The following C8orf34 variants were observed in gnomAD, a reference collection of about 807,000 sequenced individuals.
C8orf34 encodes the protein uncharacterized protein C8orf34.
Under a neutral mutation model 68.3 loss-of-function variants are expected in C8orf34, and 65 were observed. The observed-to-expected ratio is 0.95, with a 90% CI of 0.78 to 1.17. The LOEUF is 1.17. Among genes scored for constraint, C8orf34 ranks in the 50% most tolerant of loss-of-function variants. C8orf34 has a pLI of 0.00. For synonymous variants in C8orf34, 244 were observed against 241.2 expected, an observed-to-expected ratio of 1.01 and a Z score of -0.11; for missense variants, 664 against 655.4, an observed-to-expected ratio of 1.01 and a Z score of -0.14.
chr8:68,616,272 T>A (rs1818210209), intron 7 of C8orf34, among the ~76,000 whole-genome samples: 1 of 152,204 alleles, frequency 6.6e-6, no homozygotes, highest in East Asian at 1.9e-4. Flanking sequence ...TTGAAGAGTT[T>A]TCTGTTTCTC....
At chr8:68,653,432 A>T (rs1179642008) in intron 8 of C8orf34, among the ~76,000 whole-genome samples, 1 of 152,218 alleles carries the variant, frequency 6.6e-6, no homozygotes, top group Non-Finnish European at 1.5e-5. Flanking sequence ...GCTAATTTAC[A>T]TTCTAAAATC....
At chr8:68,721,286 C>A in intron 9 of C8orf34, 75 bp from the exon 10 acceptor site, 1 of 945,200 alleles carries the variant, frequency 1.1e-6, no homozygotes, top group Non-Finnish European at 1.6e-6. Context: ...ATTCTTCTCA[C>A]AACAGGTTTA....
chr8:68,455,487 G>GC (rs1811507800), intron 3 of C8orf34, among the ~76,000 whole-genome samples: 1 of 151,722 alleles, frequency 6.6e-6, no homozygotes, highest in Admixed American at 6.6e-5. Flanking sequence ...ACTATATAAT[G>GC]CCCTTCTTTG....
At chr8:68,715,468 G>A (rs1329094198) in intron 9 of C8orf34, among the ~76,000 whole-genome samples, 3 of 152,130 alleles carry the variant, frequency 2.0e-5, no homozygotes, top group South Asian at 2.1e-4. Flanking sequence ...CTAAGGACAC[G>A]AATAGACATT....
chr8:68,645,717 A>T (rs570159129), intron 8 of C8orf34, among the ~76,000 whole-genome samples: 1 of 152,248 alleles, frequency 6.6e-6, no homozygotes, highest in South Asian at 2.1e-4. Flanking sequence ...AATCAATAAG[A>T]CTCAAGTGAT....
intron 10 of C8orf34, among the ~76,000 whole-genome samples, chr8:68,761,887 A>AT (rs1823034876): frequency 6.6e-6 from 1 of 152,062 alleles, no homozygotes; most frequent in Non-Finnish European, 1.5e-5. Flanking sequence ...TGTCTATGTG[A>AT]TTTAAAAAAA....
intron 3 of C8orf34, among the ~76,000 whole-genome samples, chr8:68,460,901 G>A (rs1364599025): frequency 6.6e-6 from 1 of 152,204 alleles, no homozygotes; most frequent in South Asian, 2.1e-4. Flanking sequence ...CTCCTCCAAA[G>A]GAACGCAGTT....
At chr8:68,813,236 G>T (rs147646165) in intron 12 of C8orf34, among the ~76,000 whole-genome samples, 1 of 152,122 alleles carries the variant, frequency 6.6e-6, no homozygotes, top group Admixed American at 6.5e-5. Context: ...GAAATAATGG[G>T]CTATCCCTAG....
At chr8:68,333,308 C>A (rs552893812) in intron 1 of C8orf34, among the ~76,000 whole-genome samples, 128 of 152,258 alleles carry the variant, frequency 8.4e-4, no homozygotes, top group African/African-American at 2.9e-3. Context: ...CACCAAAAAA[C>A]AAGCACCACC....
chr8:68,743,741 G>A lies in C8orf34; in HGVS notation c.1404+22304G>A, dbSNP rs187343881. ...CTGGCTCGGAGGGTCCTACGCCCAC[G>A]GAGTCTCGCTGATTGCTAGCACAGC... On this transcript the variant is annotated intron_variant, in intron 10 of 13. Coordinates refer to ENST00000518698, the MANE Select transcript of C8orf34 (RefSeq NM_052958.4). Among the ~76,000 whole-genome samples the A allele has an allele frequency of 3.2e-3, 487 of 152,324 alleles. 2 individuals are homozygous for A. Among genetic ancestry groups the A allele is most frequent in the African/African-American group, 9.7e-3 (405 of 41,576 alleles).
intron 7 of C8orf34, among the ~76,000 whole-genome samples, chr8:68,612,292 T>C (rs1818046627): frequency 6.6e-6 from 1 of 152,122 alleles, no homozygotes; most frequent in Non-Finnish European, 1.5e-5. Context: ...AGTTAGCCAG[T>C]TCTTTTCCAC....
At chr8:68,341,899 C>T (rs1170362722) in intron 1 of C8orf34, among the ~76,000 whole-genome samples, 1 of 152,114 alleles carries the variant, frequency 6.6e-6, no homozygotes, top group Non-Finnish European at 1.5e-5. Context: ...TGGCCTAACA[C>T]ATCAGGGGTT....
At chr8:68,507,977 A>G (rs1295622599) in intron 5 of C8orf34, among the ~76,000 whole-genome samples, 1 of 152,208 alleles carries the variant, frequency 6.6e-6, no homozygotes, top group Non-Finnish European at 1.5e-5. Context: ...AAAGGGTCTT[A>G]TAGTTACATC....
chr8:68,651,526 G>A (rs1819356944), intron 8 of C8orf34, among the ~76,000 whole-genome samples: 1 of 152,176 alleles, frequency 6.6e-6, no homozygotes, highest in African/African-American at 2.4e-5. Flanking sequence ...CAGAGAATAA[G>A]CATCCTACAA....
At chr8:68,548,279 A>G (rs1815952936) in intron 7 of C8orf34, among the ~76,000 whole-genome samples, 1 of 151,554 alleles carries the variant, frequency 6.6e-6, no homozygotes, top group Admixed American at 6.6e-5. Context: ...AATATATACA[A>G]CATATTAAAA....
At chr8:68,650,867 G>C (rs1018442288) in intron 8 of C8orf34, among the ~76,000 whole-genome samples, 5 of 152,148 alleles carry the variant, frequency 3.3e-5, no homozygotes, top group African/African-American at 1.2e-4. Flanking sequence ...TGACAAAAGG[G>C]AGCCTCCATG....
At chr8:68,433,163 G>A (rs938475980) in intron 1 of C8orf34, among the ~76,000 whole-genome samples, 5 of 152,128 alleles carry the variant, frequency 3.3e-5, no homozygotes, top group Admixed American at 6.5e-5. Context: ...TTGGAAGGCC[G>A]TGATCTCAAA....
At chr8:68,530,410 T>A (rs1432278123) in intron 6 of C8orf34, among the ~76,000 whole-genome samples, 1 of 152,130 alleles carries the variant, frequency 6.6e-6, no homozygotes, top group Non-Finnish European at 1.5e-5. Context: ...AAATAATACA[T>A]GAATATTGTT....
chr8:68,615,341 T>TGA (rs1292142801), intron 7 of C8orf34, among the ~76,000 whole-genome samples: 1 of 127,994 alleles, frequency 7.8e-6, no homozygotes, highest in Admixed American at 7.7e-5. Flanking sequence ...ATAGGAGTGG[T>TGA]GAGAGAGGGC....
Sources: allele counts gnomAD v4.1 joint callset (sites outside exome capture counted in the v4.1 genomes callset), GRCh38; gene constraint gnomAD v4.1.1; transcripts MANE v1.5; gene names NCBI Gene and HGNC (gene_info 2026-07-23, HGNC 2026-07-21).